PTPN14: variants seen among roughly 807,000 people sequenced by gnomAD.
PTPN14 encodes tyrosine-protein phosphatase non-receptor type 14.
A neutral mutation model predicts 126.8 loss-of-function variants in PTPN14; 53 were observed. The ratio of observed to expected loss-of-function variants is 0.42; its 90% CI spans 0.34 to 0.53. The LOEUF is 0.53. PTPN14 is among the 20% of genes least tolerant of loss of function. The pLI is 0.08. For synonymous variants in PTPN14, 630 were observed against 599.3 expected, an observed-to-expected ratio of 1.05 and a Z score of -0.75; for missense variants, 1,257 against 1,552.9, an observed-to-expected ratio of 0.81 and a Z score of 3.20.
chr1:214,393,916 A>C, intron 9 of PTPN14, 139 bp from the exon 10 acceptor site: 2 of 690,458 alleles, frequency 2.9e-6, no homozygotes, highest in South Asian at 3.7e-5. Context: ...CCAGCAAGGT[A>C]AACCAGCCTG....
At chr1:214,523,335 C>T (rs1655306803) in intron 1 of PTPN14, among the ~76,000 whole-genome samples, 1 of 152,166 alleles carries the variant, frequency 6.6e-6, no homozygotes, top group African/African-American at 2.4e-5. Context: ...CATGACATCT[C>T]AATTAATGAC....
At chr1:214,363,028 G>C (rs1571950501) in intron 18 of PTPN14, among the ~76,000 whole-genome samples, 1 of 152,160 alleles carries the variant, frequency 6.6e-6, no homozygotes, top group South Asian at 2.1e-4. Flanking sequence ...GTTACTCATT[G>C]TTCTAGAGAT....
chr1:214,512,296 G>A (rs1654995892), intron 1 of PTPN14, among the ~76,000 whole-genome samples: 1 of 152,070 alleles, frequency 6.6e-6, no homozygotes. Context: ...AACAAAATAA[G>A]GGTTTGGCCT....
rs368867186 is a variant in PTPN14, at chr1:214,501,969, G to C, written c.-154-37012C>G. 4.1e-5 allele frequency among the ~76,000 whole-genome samples: 6 copies of C among 147,530 alleles called. No homozygotes were observed. In the East Asian group the frequency reaches 1.2e-3, roughly 30 times the overall value. On this transcript the variant is annotated intron_variant, in intron 1 of 18. Transcript: ENST00000366956. The stretch of plus-strand genomic sequence containing the variant: ...AGCTACTGGGGAGGCTGAAGCAGGA[G>C]AATGGCATGAACTCAGGAGGCGGAG...
chr1:214,374,087 G>A (rs1222129548), intron 15 of PTPN14, among the ~76,000 whole-genome samples: 3 of 152,170 alleles, frequency 2.0e-5, no homozygotes, highest in Non-Finnish European at 4.4e-5. Flanking sequence ...AATTCTTTCT[G>A]TTCTCCCTTC....
intron 5 of PTPN14, among the ~76,000 whole-genome samples, chr1:214,403,364 A>T (rs1180071979): frequency 6.6e-6 from 1 of 152,166 alleles, no homozygotes; most frequent in African/African-American, 2.4e-5. Context: ...CTAGGAAGGG[A>T]CTGTGCCAGG....
intron 1 of PTPN14, chr1:214,531,517 C>G (rs967459253): frequency 6.7e-6 from 1 of 149,614 alleles, no homozygotes; most frequent in African/African-American, 2.4e-5. Flanking sequence ...CACACACACA[C>G]ACACACACAC....
At chr1:214,476,010 A>T (rs1285785219) in intron 1 of PTPN14, among the ~76,000 whole-genome samples, 1 of 152,206 alleles carries the variant, frequency 6.6e-6, no homozygotes, top group African/African-American at 2.4e-5. Context: ...ATGACATACC[A>T]TCAGCAGTTT....
chr1:214,503,754 G>C (rs897255940), intron 1 of PTPN14, among the ~76,000 whole-genome samples: 1 of 152,214 alleles, frequency 6.6e-6, no homozygotes, highest in Admixed American at 6.5e-5. Context: ...GCAATGTTGT[G>C]AGTCATTTTA....
At chr1:214,440,607 C>A (rs1660018059) in intron 3 of PTPN14, among the ~76,000 whole-genome samples, 1 of 152,232 alleles carries the variant, frequency 6.6e-6, no homozygotes, top group South Asian at 2.1e-4. Context: ...CTCAGCTCAA[C>A]CACCTACAGT....
At chr1:214,535,230 T>G (rs1184359967) in intron 1 of PTPN14, among the ~76,000 whole-genome samples, 1 of 152,200 alleles carries the variant, frequency 6.6e-6, no homozygotes, top group East Asian at 1.9e-4. Flanking sequence ...TTCATTCTCA[T>G]TTAGATGCTA....
intron 6 of PTPN14, among the ~76,000 whole-genome samples, chr1:214,402,437 C>CAAAAAAAAAAAAAAAAAAAA (rs1165595746): frequency 5.8e-4 from 28 of 48,142 alleles, no homozygotes; most frequent in Non-Finnish European, 7.6e-4. Context: ...GAGACTCTGT[C>CAAAAAAAAAAAAAAAAAAAA]AAAAAAAAAA....
At position 214,355,450 on chromosome 1, in the gene PTPN14, G is replaced by A. The variant is rs1657795713; in HGVS notation, c.*2472C>T. Reference sequence around the variant, plus strand: ...TCCCAAGGATGGAAAAACCTCCAAGGAAAGGAAACAAGTATCTTTTTGCTT... The same window carrying A: ...TCCCAAGGATGGAAAAACCTCCAAGAAAAGGAAACAAGTATCTTTTTGCTT... On this transcript the variant is annotated 3_prime_UTR_variant, in exon 19 of 19. Coordinates refer to ENST00000366956, the MANE Select transcript of PTPN14 (RefSeq NM_005401.5). 1 of 152,194 alleles carries A rather than the reference G, an allele frequency of 6.6e-6. No homozygotes were observed. The highest frequency in any genetic ancestry group is 1.5e-5 in the Non-Finnish European group (1 of 68,028). 9.4% of individuals were successfully genotyped at this position (152,194 alleles called of 1,614,324 possible).
intron 1 of PTPN14, among the ~76,000 whole-genome samples, chr1:214,473,105 T>G (rs1660797097): frequency 6.6e-6 from 1 of 152,192 alleles, no homozygotes; most frequent in South Asian, 2.1e-4. Flanking sequence ...CTTTACCTAT[T>G]AACTGTGGAT....
chr1:214,406,024 T>G (rs1377968297), intron 5 of PTPN14, among the ~76,000 whole-genome samples: 1 of 152,126 alleles, frequency 6.6e-6, no homozygotes, highest in Non-Finnish European at 1.5e-5. Flanking sequence ...GGGCTGAAAG[T>G]GGACAGCTGA....
intron 1 of PTPN14, among the ~76,000 whole-genome samples, chr1:214,497,194 C>T (rs1558129900): frequency 6.6e-6 from 1 of 151,436 alleles, no homozygotes; most frequent in Non-Finnish European, 1.5e-5. Flanking sequence ...ATGTAACAGA[C>T]AAAAAAAGTT....
chr1:214,401,562 C>G, intron 7 of PTPN14, 123 bp downstream of exon 7: 1 of 806,494 alleles, frequency 1.2e-6, no homozygotes, highest in South Asian at 2.0e-5. Context: ...TTGGACTTGC[C>G]AACTAAGGCT....
Position 214,464,915 on chromosome 1 carries a change from G to T in PTPN14, c.-112C>A. On this transcript the variant is annotated 5_prime_UTR_variant, in exon 2 of 19. It adds an upstream start codon to the 5' untranslated region. Transcript: ENST00000366956. ...ACTATCACCTGTGCTCCTCCAGGCA[G>T]GGAAAAGGGTGTCCATGCCCAGTGT... 7.4e-7 allele frequency: 1 copy of T among 1,352,476 alleles called. No homozygotes were observed. The highest frequency in any genetic ancestry group is 1.0e-6 in the Non-Finnish European group (1 of 991,400). The allele number at this position is 1,352,476 out of a possible 1,614,324, so 83.8% of individuals were successfully genotyped here. A position where few individuals can be genotyped will look rare whatever the true frequency, so the allele number is the denominator to read the frequency against.
At chr1:214,468,359 C>T (rs576702713) in intron 1 of PTPN14, among the ~76,000 whole-genome samples, 67 of 152,244 alleles carry the variant, frequency 4.4e-4, no homozygotes, top group Admixed American at 4.3e-3. Context: ...AGTTTGAGAC[C>T]AGCCTGGCCA....
Sources: gnomAD v4.1 joint callset for allele counts (sites outside exome capture counted in the v4.1 genomes callset) on GRCh38, gnomAD v4.1.1 for gene constraint, MANE v1.5 for transcripts, NCBI Gene and HGNC (gene_info 2026-07-23, HGNC 2026-07-21) for gene names.